The following GON4L variants were observed in gnomAD, a reference collection of about 807,000 sequenced individuals.
GON4L encodes the protein GON-4-like protein.
GON4L carries 87 observed loss-of-function variants against 211.8 expected under a neutral mutation model. The observed-to-expected ratio is 0.41, with a 90% CI of 0.35 to 0.49. The LOEUF (loss-of-function observed/expected upper bound fraction) is 0.49. Among genes scored for constraint, GON4L ranks in the 20% least tolerant of loss-of-function variants. GON4L has a pLI of 0.15. For missense variants in GON4L, 2,155 were observed against 2,659.5 expected (o/e 0.81, Z 4.17); for synonymous variants, 875 against 962.6 (o/e 0.91, Z 1.68).
chr1:155,858,093 C>T (rs749109938), upstream of GON4L, among the ~76,000 whole-genome samples: 9 of 152,178 alleles, frequency 5.9e-5, no homozygotes, highest in Non-Finnish European at 1.2e-4. Flanking sequence ...AGTCTCCTAA[C>T]TCTAGCTAAT....
chr1:155,757,169 A>G lies in GON4L; in HGVS notation c.5397+11T>C. 6.2e-7 allele frequency: 1 copy of G among 1,613,940 alleles called. No individual in the cohort carries two copies. The highest frequency in any genetic ancestry group is 2.2e-5 in the East Asian group (1 of 44,878). On this transcript the variant is annotated intron_variant, in intron 26 of 31. Coordinates refer to ENST00000368331, the MANE Select transcript of GON4L (RefSeq NM_001282860.2). ...CCCTTCATAAGGCTACAGCAGCCTT[A>G]GGTCCTATACCTCATACTCCTTTTC... is the stretch of plus-strand genomic sequence containing the variant.
Position 155,840,929 on chromosome 1 carries a change from G to A in GON4L, c.505+12347C>T, listed in dbSNP as rs551080377. Among the ~76,000 whole-genome samples the A allele has an allele frequency of 3.3e-5, 5 of 152,260 alleles. No homozygotes were observed. In the South Asian group the frequency reaches 1.0e-3, roughly 32 times the overall value. On this transcript the variant is annotated intron_variant, in intron 2 of 31. Transcript: ENST00000368331. ...ACATGCCTGTAATCCCAGCTACTCG[G>A]GAGGCTGAGGCAGGGGAATCGCTTG...
At chr1:155,809,014 A>T (rs1026468827) in intron 10 of GON4L, among the ~76,000 whole-genome samples, 3 of 152,064 alleles carry the variant, frequency 2.0e-5, no homozygotes, top group Non-Finnish European at 2.9e-5. Flanking sequence ...CCCAGGCTTA[A>T]TCAATCCTCC....
upstream of GON4L, chr1:155,857,332 G>A (rs1277653343): frequency 6.6e-6 from 1 of 152,352 alleles, no homozygotes; most frequent in Non-Finnish European, 1.5e-5. Context: ...CAACGTTAGT[G>A]CGTCAGTTAT....
Position 155,774,347 on chromosome 1 carries a change from C to T in GON4L, c.2350+655G>A, listed in dbSNP as rs547309388. Among the ~76,000 whole-genome samples, 188 of 144,612 alleles carry T rather than the reference C, an allele frequency of 1.3e-3. 1 individual carries two copies. The highest frequency in any genetic ancestry group is 4.6e-3 in the African/African-American group (177 of 38,764). 94.9% of individuals were successfully genotyped at this position (144,612 alleles called of 152,430 possible). On this transcript the variant is annotated intron_variant, in intron 17 of 31. Transcript: ENST00000368331. ...TTTTTGAGACTGAGTCTCGCTCTGT[C>T]GCCCAGGCTGGAGTGCAATGATGCT...
At chr1:155,747,174 A>G (rs1571593836), downstream of GON4L, 3 of 1,479,132 alleles carry the variant, frequency 2.0e-6, no homozygotes, top group East Asian at 4.5e-5. Context: ...ATCCATTCCC[A>G]ATGGCAAAGG....
intron 6 of GON4L, among the ~76,000 whole-genome samples, chr1:155,819,110 G>A (rs374522370): frequency 1.3e-5 from 2 of 151,972 alleles, no homozygotes; most frequent in South Asian, 4.2e-4. Flanking sequence ...GCCAAACATG[G>A]TGCAACCCCA....
intron 12 of GON4L, among the ~76,000 whole-genome samples, chr1:155,792,948 T>C (rs1300154169): frequency 1.3e-5 from 2 of 152,134 alleles, no homozygotes; most frequent in Non-Finnish European, 2.9e-5. Flanking sequence ...AATGTTTTTG[T>C]AGAGACAATG....
At chr1:155,855,757 C>A (rs545647149) in intron 1 of GON4L, among the ~76,000 whole-genome samples, 1 of 151,964 alleles carries the variant, frequency 6.6e-6, no homozygotes, top group Non-Finnish European at 1.5e-5. Context: ...CCAAGGCGGG[C>A]GGATAACAAG....
At chr1:155,833,425 A>G (rs1375595004) in intron 2 of GON4L, among the ~76,000 whole-genome samples, 1 of 151,818 alleles carries the variant, frequency 6.6e-6, no homozygotes, top group East Asian at 1.9e-4. Flanking sequence ...CGAGGCGGGC[A>G]GATCACAAGG....
At chr1:155,814,532 A>G (rs1668065578) in intron 8 of GON4L, 83 bp from the exon 9 acceptor site, 12 of 1,372,728 alleles carry the variant, frequency 8.7e-6, no homozygotes, top group Non-Finnish European at 1.1e-5. Context: ...AGAAGGAATC[A>G]TAAAATATCA....
intron 12 of GON4L, among the ~76,000 whole-genome samples, chr1:155,786,967 G>C (rs1665007295): frequency 6.6e-6 from 1 of 151,730 alleles, no homozygotes; most frequent in South Asian, 2.1e-4. Flanking sequence ...TGTCGCCCAG[G>C]CTGGAGTGCA....
At chr1:155,763,629 AAGCTATATC>A in intron 21 of GON4L, 65 bp from the exon 22 acceptor site, 1 of 1,326,442 alleles carries the variant, frequency 7.5e-7, no homozygotes, top group Non-Finnish European at 1.0e-6. Flanking sequence ...AAACAACACA[AAGCTATATC>A]AGGATAATCT....
intron 11 of GON4L, among the ~76,000 whole-genome samples, chr1:155,798,072 C>T (rs1666251446): frequency 6.7e-6 from 1 of 149,974 alleles, no homozygotes; most frequent in South Asian, 2.1e-4. Flanking sequence ...CAGAGTGAGA[C>T]CCTGTCTCAA....
At chr1:155,817,502 G>C (rs1668352049) in intron 6 of GON4L, among the ~76,000 whole-genome samples, 1 of 152,086 alleles carries the variant, frequency 6.6e-6, no homozygotes, top group Admixed American at 6.6e-5. Flanking sequence ...CTGTGTAGGT[G>C]GGACCAATAT....
chr1:155,792,622 A>T (rs184643247), intron 12 of GON4L, among the ~76,000 whole-genome samples: 65 of 152,344 alleles, frequency 4.3e-4, no homozygotes, highest in Admixed American at 9.2e-4. Flanking sequence ...GAGAAATTAT[A>T]CGTAAACTGA....
chr1:155,796,271 ATTTTCTT>A (rs960585027), intron 11 of GON4L, among the ~76,000 whole-genome samples: 6 of 150,504 alleles, frequency 4.0e-5, no homozygotes, highest in African/African-American at 1.2e-4. Context: ...CTCCCTTTTA[ATTTTCTT>A]TTTTCTTTTT....
intron 11 of GON4L, among the ~76,000 whole-genome samples, chr1:155,800,852 A>G (rs1257144325): frequency 1.1e-3 from 157 of 138,542 alleles, no homozygotes; most frequent in African/African-American, 4.4e-3. Flanking sequence ...CTGTCTCAGA[A>G]AAAAAAAAAA....
At position 155,754,386 on chromosome 1, in the gene GON4L, A is replaced by G. The variant is rs1471009270; in HGVS notation, c.5620T>C (p.Cys1874Arg). ...KKSKRRSCSH[C>R]SSKVCDSKSY... ...GATACTTTCCTCACCTTGCTGCTACAGTGGCTACAGCTCCGCCTTTTGCTC... is the reference window on the plus strand; with the variant it reads ...GATACTTTCCTCACCTTGCTGCTACGGTGGCTACAGCTCCGCCTTTTGCTC... Residue 1874 changes from cysteine (C) to arginine (R), a missense_variant, in exon 28 of 32, where the codon TGT (cysteine) becomes CGT (arginine). Physicochemically the swap from Cys to Arg is radical, Grantham distance 180 (BLOSUM62 -3). Transcript: ENST00000368331. 7 of 1,602,994 alleles carry G rather than the reference A, an allele frequency of 4.4e-6. No homozygotes were observed. Among genetic ancestry groups the G allele is most frequent in the Admixed American group, 1.7e-5 (1 of 59,956 alleles).
Sources: allele counts gnomAD v4.1 joint callset (sites outside exome capture counted in the v4.1 genomes callset), GRCh38; gene constraint gnomAD v4.1.1; transcripts MANE v1.5; gene names NCBI Gene and HGNC (gene_info 2026-07-23, HGNC 2026-07-21).